The following DCC variants were observed in gnomAD, a reference collection of about 807,000 sequenced individuals.
The protein encoded by DCC is netrin receptor DCC.
DCC carries 58 observed loss-of-function variants against 172.5 expected under a neutral mutation model. The ratio of observed to expected loss-of-function variants is 0.34; its 90% CI spans 0.27 to 0.42. The LOEUF (loss-of-function observed/expected upper bound fraction) is 0.42. Ranked by LOEUF, DCC falls within the 10% of genes least tolerant of loss-of-function variation. DCC has a pLI of 1.00. For synonymous variants in DCC, 709 were observed against 644.5 expected (o/e 1.10, Z -1.52); for missense variants, 1,740 against 1,791.0 (o/e 0.97, Z 0.51).
At chr18:53,368,071 T>C (rs2058024721) in intron 15 of DCC, among the ~76,000 whole-genome samples, 1 of 152,160 alleles carries the variant, frequency 6.6e-6, no homozygotes. Context: ...CCTATTTCTC[T>C]ACAACCCTGC....
intron 1 of DCC, among the ~76,000 whole-genome samples, chr18:52,415,269 A>G (rs898177337): frequency 1.3e-5 from 2 of 152,212 alleles, no homozygotes; most frequent in Admixed American, 6.5e-5. Flanking sequence ...ACCAATTATA[A>G]TACATGATGG....
At chr18:53,072,259 C>A (rs2042663708) in intron 7 of DCC, among the ~76,000 whole-genome samples, 1 of 152,016 alleles carries the variant, frequency 6.6e-6, no homozygotes, top group African/African-American at 2.4e-5. Context: ...TTAATTACTC[C>A]CATGTTACCA....
At chr18:52,974,956 C>T (rs2145593157) in intron 5 of DCC, among the ~76,000 whole-genome samples, 1 of 152,234 alleles carries the variant, frequency 6.6e-6, no homozygotes, top group African/African-American at 2.4e-5. Flanking sequence ...ATTTTATTTC[C>T]AGAGGATTTC....
chr18:53,255,947 A>G (rs946335612), intron 12 of DCC, among the ~76,000 whole-genome samples: 8 of 152,110 alleles, frequency 5.3e-5, no homozygotes, highest in African/African-American at 1.9e-4. Flanking sequence ...TTTGATTTGC[A>G]TTTGCCTGAT....
chr18:53,437,582 CAAAAAA>C (rs74180424), intron 22 of DCC, among the ~76,000 whole-genome samples: 3 of 20,804 alleles, frequency 1.4e-4, no homozygotes, highest in Non-Finnish European at 2.2e-4. Context: ...GGCTCCATCT[CAAAAAA>C]AAAAAAAAAA....
intron 5 of DCC, among the ~76,000 whole-genome samples, chr18:52,971,291 A>G (rs1013507535): frequency 2.0e-5 from 3 of 152,116 alleles, no homozygotes; most frequent in Admixed American, 6.5e-5. Flanking sequence ...CCCTGCTACC[A>G]ATTGAACATT....
At chr18:53,427,714 G>C (rs1911071119) in intron 21 of DCC, among the ~76,000 whole-genome samples, 1 of 143,966 alleles carries the variant, frequency 6.9e-6, no homozygotes, top group South Asian at 2.3e-4. Context: ...TGCCTTTTCA[G>C]TTTTTGTCCA....
chr18:53,386,230 G>T, intron 16 of DCC, 92 bp downstream of exon 16: 1 of 808,466 alleles, frequency 1.2e-6, no homozygotes, highest in Non-Finnish European at 2.1e-6. Flanking sequence ...AAACAAAAAT[G>T]AATATATCCT....
intron 2 of DCC, among the ~76,000 whole-genome samples, chr18:52,842,832 T>C (rs1416577214): frequency 1.3e-5 from 2 of 152,174 alleles, no homozygotes; most frequent in Admixed American, 6.5e-5. Flanking sequence ...CAACCTAGGA[T>C]CCAGGAATGA....
At chr18:53,009,552 G>A (rs2041696611) in intron 5 of DCC, among the ~76,000 whole-genome samples, 1 of 151,208 alleles carries the variant, frequency 6.6e-6, no homozygotes, top group Non-Finnish European at 1.5e-5. Flanking sequence ...ATTCAGGTTT[G>A]GAAGTTAGGT....
intron 1 of DCC, among the ~76,000 whole-genome samples, chr18:52,589,167 T>C (rs1295086220): frequency 1.3e-5 from 2 of 152,160 alleles, no homozygotes; most frequent in African/African-American, 4.8e-5. Context: ...TTTTAGCAAA[T>C]TGCAGAAGGG....
chr18:52,759,477 T>C (rs1468772429), intron 2 of DCC, among the ~76,000 whole-genome samples: 1 of 152,196 alleles, frequency 6.6e-6, no homozygotes, highest in African/African-American at 2.4e-5. Flanking sequence ...TGGAAATAGC[T>C]AATTATTCAT....
chr18:53,169,370 G>A (rs989366240), intron 8 of DCC, among the ~76,000 whole-genome samples: 1 of 152,158 alleles, frequency 6.6e-6, no homozygotes, highest in African/African-American at 2.4e-5. Flanking sequence ...AAGTCCAAGT[G>A]GACAAGTTGT....
chr18:52,907,860 T>G (rs1421916103), intron 3 of DCC, among the ~76,000 whole-genome samples: 1 of 152,198 alleles, frequency 6.6e-6, no homozygotes, highest in Non-Finnish European at 1.5e-5. Context: ...TGTAAGTAAT[T>G]ACAATAGGGT....
intron 2 of DCC, among the ~76,000 whole-genome samples, chr18:52,880,758 T>C (rs547587224): frequency 6.6e-6 from 1 of 152,352 alleles, no homozygotes; most frequent in African/African-American, 2.4e-5. Flanking sequence ...TATTCATTCA[T>C]CTGTTCTTGG....
At chr18:53,456,692 G>A (rs772900303) in intron 23 of DCC, among the ~76,000 whole-genome samples, 1 of 152,154 alleles carries the variant, frequency 6.6e-6, no homozygotes, top group Non-Finnish European at 1.5e-5. Context: ...CCCAGGCAGT[G>A]GCAGTGCTGA....
At chr18:53,367,863 TC>T (rs373794776) in intron 15 of DCC, among the ~76,000 whole-genome samples, 51 of 152,324 alleles carry the variant, frequency 3.3e-4, no homozygotes, top group African/African-American at 1.2e-3. Context: ...CCTCAGAATT[TC>T]CTTCTTTTTA....
intron 15 of DCC, among the ~76,000 whole-genome samples, chr18:53,363,725 G>T (rs921283855): frequency 6.6e-6 from 1 of 152,064 alleles, no homozygotes; most frequent in Non-Finnish European, 1.5e-5. Flanking sequence ...GAATGTGTAC[G>T]ATTTGTTTTA....
At chr18:52,971,096 C>A (rs904100943) in intron 5 of DCC, among the ~76,000 whole-genome samples, 2 of 152,148 alleles carry the variant, frequency 1.3e-5, no homozygotes, top group Non-Finnish European at 2.9e-5. Flanking sequence ...AACATTCTGA[C>A]TCTGAGACAG....
Sources: gnomAD v4.1 joint callset for allele counts (sites outside exome capture counted in the v4.1 genomes callset) on GRCh38, gnomAD v4.1.1 for gene constraint, MANE v1.5 for transcripts, NCBI Gene and HGNC (gene_info 2026-07-23, HGNC 2026-07-21) for gene names.